Variants in CNDP1 observed in about 807,000 individuals in gnomAD.
The protein encoded by CNDP1 is beta-Ala-His dipeptidase.
A neutral mutation model predicts 58.1 loss-of-function variants in CNDP1; 44 were observed. The ratio of observed to expected loss-of-function variants is 0.76; its 90% CI spans 0.60 to 0.97. The LOEUF is 0.97. Ranked by LOEUF, CNDP1 falls within the 50% of genes least tolerant of loss-of-function variation. CNDP1 has a pLI of 0.00. For missense variants in CNDP1, 616 were observed against 655.1 expected, an observed-to-expected ratio of 0.94 and a Z score of 0.65; for synonymous variants, 254 against 252.6, an observed-to-expected ratio of 1.01 and a Z score of -0.05.
Position 74,584,663 on chromosome 18 carries a change from G to A in CNDP1, c.*101G>A. 1.1e-6 allele frequency: 1 copy of A among 869,648 alleles called. No homozygotes were observed. Among genetic ancestry groups the A allele is most frequent in the Admixed American group, 2.0e-5 (1 of 49,086 alleles). The allele number at this position is 869,648 out of a possible 1,614,324, so 53.9% of individuals were successfully genotyped here. A position where few individuals can be genotyped will look rare whatever the true frequency, so the allele number is the denominator to read the frequency against. On this transcript the variant is annotated 3_prime_UTR_variant, in exon 12 of 12. Coordinates refer to ENST00000358821, the MANE Select transcript of CNDP1 (RefSeq NM_032649.6). ...TAAATATCCAGAGAATTTGGGTCTA[G>A]TATAGTACATTTTCCCTTCCATTTA...
intron 1 of CNDP1, among the ~76,000 whole-genome samples, chr18:74,555,379 G>A (rs1292485509): frequency 2.0e-5 from 3 of 152,166 alleles, no homozygotes; most frequent in Non-Finnish European, 2.9e-5. Context: ...CCCAGCCCTC[G>A]CTCCCTCCCT....
rs35859995 is a variant in CNDP1, at chr18:74,585,994, CAAAAAAAAAAAAAA to C, written c.*1444_*1457del. ...GGGCGACAGAGTGAGACTCCGTCTC[CAAAAAAAAAAAAAA>C]AAAAAAAAAAAGCAGAACACATTTG... On this transcript the variant is annotated 3_prime_UTR_variant, in exon 12 of 12. Coordinates refer to ENST00000358821, the MANE Select transcript of CNDP1 (RefSeq NM_032649.6). 1.5e-5 allele frequency: 1 copy of C among 68,208 alleles called. No individual in the cohort carries two copies. The highest frequency in any genetic ancestry group is 2.6e-5 in the Non-Finnish European group (1 of 39,048). The allele number at this position is 68,208 out of a possible 1,614,324, so 4.2% of individuals were successfully genotyped here.
At chr18:74,575,831 A>ATGTATG (rs1555711148) in intron 7 of CNDP1, among the ~76,000 whole-genome samples, 3,580 of 94,206 alleles carry the variant, frequency 0.038, 109 homozygotes, top group South Asian at 0.059. Flanking sequence ...GTGTGTATAC[A>ATGTATG]TGTGTGTGTG....
At chr18:74,574,518 A>C (rs956822951) in intron 7 of CNDP1, among the ~76,000 whole-genome samples, 1 of 152,202 alleles carries the variant, frequency 6.6e-6, no homozygotes, top group Non-Finnish European at 1.5e-5. Flanking sequence ...CAAATCCAAG[A>C]TGGCTGCTAG....
Position 74,546,911 on chromosome 18 carries a change from A to G in CNDP1, c.25-9427A>G, listed in dbSNP as rs569170259. 4.6e-5 allele frequency among the ~76,000 whole-genome samples: 7 copies of G among 152,344 alleles called. No homozygotes were observed. The South Asian group carries it at 1.5e-3, about 32-fold the overall frequency. ...CAGGCATTGTTCTTCTCCAGGGTCA[A>G]GCTCACAGGTTAGGCTGGACTAGAG... On this transcript the variant is annotated intron_variant, in intron 1 of 11. Transcript: ENST00000358821.
chr18:74,541,527 A>G (rs1980623873), intron 1 of CNDP1, among the ~76,000 whole-genome samples: 1 of 152,198 alleles, frequency 6.6e-6, no homozygotes, highest in South Asian at 2.1e-4. Context: ...TCCAGCCACC[A>G]TCCTACTGAT....
chr18:74,571,735 C>A (rs561283246), intron 7 of CNDP1, among the ~76,000 whole-genome samples: 1 of 152,180 alleles, frequency 6.6e-6, no homozygotes, highest in South Asian at 2.1e-4. Context: ...AAGCGACACA[C>A]CAGGTGAGGC....
At position 74,573,759 on chromosome 18, in the gene CNDP1, C is replaced by T. The variant is rs1053860449; in HGVS notation, c.841+2489C>T. On this transcript the variant is annotated intron_variant, in intron 7 of 11. Coordinates refer to ENST00000358821, the MANE Select transcript of CNDP1 (RefSeq NM_032649.6). ...CATGATTGCTGCATGGCATCTTTTT[C>T]GGCTGCGTGGCTTCAGCCAGGCATC... Among the ~76,000 whole-genome samples, 3 of 152,312 alleles carry T rather than the reference C, an allele frequency of 2.0e-5. No homozygotes were observed. The South Asian group carries it at 6.2e-4, about 32-fold the overall frequency.
intron 9 of CNDP1, among the ~76,000 whole-genome samples, chr18:74,578,635 AC>A (rs1421186716): frequency 1.3e-5 from 2 of 152,212 alleles, no homozygotes; most frequent in Non-Finnish European, 2.9e-5. Context: ...TCTTAAAAAA[AC>A]AAACAAAAAG....
intron 11 of CNDP1, 75 bp downstream of exon 11, chr18:74,583,783 C>T: frequency 7.1e-7 from 1 of 1,416,690 alleles, no homozygotes; most frequent in Admixed American, 1.7e-5. Flanking sequence ...CGTGGGTGAG[C>T]TCCTGTTCAA....
At chr18:74,578,394 G>A (rs1599102604) in intron 9 of CNDP1, 67 bp downstream of exon 9, 2 of 1,460,654 alleles carry the variant, frequency 1.4e-6, no homozygotes, top group East Asian at 2.3e-5. Context: ...GCACATCACG[G>A]CTTAGTGAGC....
intron 5 of CNDP1, among the ~76,000 whole-genome samples, chr18:74,566,078 C>T (rs1981320667): frequency 6.6e-6 from 1 of 152,224 alleles, no homozygotes. Context: ...CCTCTGAAGC[C>T]ACAGCCCGAG....
rs1443480124 is a variant in CNDP1 at position 74,534,597 on chromosome 18, T to G, written c.-71T>G. ...TATTTAATGTCACCCTCTTGGGGCT[T>G]TCATGGGACTCCCTCTGCCACATTT... On this transcript the variant is annotated 5_prime_UTR_variant, in exon 1 of 12. Transcript: ENST00000358821. 1 of 1,541,520 alleles carries G rather than the reference T, an allele frequency of 6.5e-7. No homozygotes were observed. The highest frequency in any genetic ancestry group is 1.7e-5 in the Admixed American group (1 of 59,662).
At chr18:74,573,056 T>A (rs1357892371) in intron 7 of CNDP1, among the ~76,000 whole-genome samples, 1 of 152,154 alleles carries the variant, frequency 6.6e-6, no homozygotes, top group African/African-American at 2.4e-5. Context: ...TTACCTATAT[T>A]TCTACCATCT....
At position 74,537,858 on chromosome 18, in the gene CNDP1, G is replaced by A. The variant is rs141034481; in HGVS notation, c.24+3167G>A. On this transcript the variant is annotated intron_variant, in intron 1 of 11. Coordinates refer to ENST00000358821, the MANE Select transcript of CNDP1 (RefSeq NM_032649.6). ...CTCCTTGTTTCTTTCCACATAAAGC[G>A]GCATTCTTGTTAAAACCATAGAGTA... Among the ~76,000 whole-genome samples the A allele has an allele frequency of 7.2e-5, 11 of 152,282 alleles. No homozygotes were observed. The East Asian group carries it at 1.2e-3, about 16-fold the overall frequency.
At position 74,561,008 on chromosome 18, in the gene CNDP1, G is replaced by T; in HGVS notation, c.456G>T (p.Thr152=). 1 of 1,612,038 alleles carries T rather than the reference G, an allele frequency of 6.2e-7. No homozygotes were observed. The highest frequency in any genetic ancestry group is 8.5e-7 in the Non-Finnish European group (1 of 1,178,370). ...DGWLTDPYVL[T]EVDGKLYGRG... is the part of the protein sequence containing the mutation. ...GGCTCACGGACCCCTATGTGCTGACGGAGGTAGACGGTCAGTGAGGCGCCC... is the reference window on the plus strand; with the variant it reads ...GGCTCACGGACCCCTATGTGCTGACTGAGGTAGACGGTCAGTGAGGCGCCC... The change falls in exon 4 of 12, where the codon ACG becomes ACT. Residue 152 remains threonine (T), a synonymous_variant. Transcript: ENST00000358821.
At chr18:74,576,531 A>G (rs1478097986) in intron 7 of CNDP1, 1 of 215,010 alleles carries the variant, frequency 4.7e-6, no homozygotes, top group Non-Finnish European at 9.1e-6. Context: ...AAACTAAAAA[A>G]CCTTGTTTAT....
At chr18:74,569,816 A>G (rs1430652692) in intron 6 of CNDP1, among the ~76,000 whole-genome samples, 1 of 152,204 alleles carries the variant, frequency 6.6e-6, no homozygotes, top group South Asian at 2.1e-4. Context: ...TGTAAAGCAT[A>G]CATTGTGGTA....
At chr18:74,578,556 G>T (rs754013202) in intron 9 of CNDP1, among the ~76,000 whole-genome samples, 1 of 152,092 alleles carries the variant, frequency 6.6e-6, no homozygotes, top group South Asian at 2.1e-4. Context: ...AAGCCCAGGG[G>T]TTTAAGGCTG....
Sources: allele counts gnomAD v4.1 joint callset (sites outside exome capture counted in the v4.1 genomes callset), GRCh38; gene constraint gnomAD v4.1.1; transcripts MANE v1.5; gene names NCBI Gene and HGNC (gene_info 2026-07-23, HGNC 2026-07-21).